UBXN8: variants seen among roughly 807,000 people sequenced by gnomAD.
UBXN8 encodes the protein UBX domain-containing protein 8.
A neutral mutation model predicts 32.1 loss-of-function variants in UBXN8; 27 were observed. The ratio of observed to expected loss-of-function variants is 0.84; its 90% confidence interval spans 0.62 to 1.16. The LOEUF is 1.16. Among genes scored for constraint, UBXN8 ranks in the 50% most tolerant of loss-of-function variants. UBXN8 has a pLI of 0.00. For synonymous variants in UBXN8, 109 were observed against 111.8 expected (o/e 0.98, Z 0.16); for missense variants, 306 against 311.4 (o/e 0.98, Z 0.13).
chr8:30,734,775 C>A (rs1453155717), intron 1 of UBXN8, among the ~76,000 whole-genome samples: 1 of 151,970 alleles, frequency 6.6e-6, no homozygotes, highest in Non-Finnish European at 1.5e-5. Flanking sequence ...AAGACCTGGT[C>A]TCTACAAAAA....
At chr8:30,742,561 C>T (rs566479145), upstream of UBXN8, among the ~76,000 whole-genome samples, 9 of 152,016 alleles carry the variant, frequency 5.9e-5, no homozygotes, top group African/African-American at 1.7e-4. Context: ...AGAGGGGTCT[C>T]GAACTCCTGA....
intron 6 of UBXN8, among the ~76,000 whole-genome samples, chr8:30,762,116 T>A (rs1586106616): frequency 6.8e-6 from 1 of 147,840 alleles, no homozygotes; most frequent in African/African-American, 2.5e-5. Flanking sequence ...TAGGCTGGAG[T>A]GTCTTGGCAC....
In UBXN8 at chr8:30,755,780, AAG is replaced by A. The variant is rs1491016926; in HGVS notation, c.406-983_406-982del. Among the ~76,000 whole-genome samples the A allele has an allele frequency of 2.1e-4, 31 of 150,136 alleles. No individual in the cohort carries two copies. The East Asian group carries it at 2.5e-3, about 12-fold the overall frequency. Reference sequence around the variant, plus strand: ...CTCCAGAAAAAAAAAAAAAAAAAAAAAGAAGACTGACTGTGACATAAGATAGT... The same window carrying A: ...CTCCAGAAAAAAAAAAAAAAAAAAAAAAGACTGACTGTGACATAAGATAGT... On this transcript the variant is annotated intron_variant, in intron 4 of 7. Coordinates refer to ENST00000265616, the MANE Select transcript of UBXN8 (RefSeq NM_005671.4).
At chr8:30,756,706 G>A in intron 4 of UBXN8, 59 bp from the exon 5 acceptor site, 1 of 1,599,558 alleles carries the variant, frequency 6.3e-7, no homozygotes, top group Non-Finnish European at 8.5e-7. Context: ...AAACAATTGT[G>A]AATAGAATAA....
chr8:30,760,445 T>TATATA (rs59139295), intron 5 of UBXN8, among the ~76,000 whole-genome samples: 445 of 31,106 alleles, frequency 0.014, no homozygotes, highest in East Asian at 0.052. Flanking sequence ...ATATATATAT[T>TATATA]TTTTTTTTTT....
chr8:30,760,135 C>T (rs1376968868), intron 5 of UBXN8, among the ~76,000 whole-genome samples: 20 of 146,900 alleles, frequency 1.4e-4, no homozygotes, highest in Non-Finnish European at 2.2e-4. Context: ...AACCTCAGCT[C>T]ACTGCAACCT....
upstream of UBXN8, among the ~76,000 whole-genome samples, chr8:30,730,254 G>C (rs374141868): frequency 6.6e-6 from 1 of 152,232 alleles, no homozygotes; most frequent in African/African-American, 2.4e-5. Context: ...AATAGATGAG[G>C]ATGGGCACAT....
At chr8:30,733,598 C>A (rs1805015706) in intron 1 of UBXN8, among the ~76,000 whole-genome samples, 1 of 152,156 alleles carries the variant, frequency 6.6e-6, no homozygotes, top group Non-Finnish European at 1.5e-5. Context: ...TGACAGCCCC[C>A]CTGCTCCCTC....
intron 1 of UBXN8, among the ~76,000 whole-genome samples, chr8:30,735,698 G>A (rs1307980322): frequency 6.6e-6 from 1 of 152,172 alleles, no homozygotes; most frequent in African/African-American, 2.4e-5. Context: ...AATTAGCCAG[G>A]CATGGTGGCA....
intron 5 of UBXN8, among the ~76,000 whole-genome samples, chr8:30,758,430 A>G (rs1159926460): frequency 6.6e-6 from 1 of 152,176 alleles, no homozygotes; most frequent in Non-Finnish European, 1.5e-5. Context: ...TGTTCATTCA[A>G]ATCTTCAATC....
At chr8:30,740,742 A>G (rs1805181487), upstream of UBXN8, among the ~76,000 whole-genome samples, 1 of 151,744 alleles carries the variant, frequency 6.6e-6, no homozygotes, top group South Asian at 2.1e-4. Context: ...TGGAGACACC[A>G]GTAACTTACA....
chr8:30,758,890 T>G (rs71521391), intron 5 of UBXN8, among the ~76,000 whole-genome samples: 104 of 131,110 alleles, frequency 7.9e-4, no homozygotes, highest in Non-Finnish European at 1.1e-3. Context: ...TGTTTGTTTT[T>G]TTTGTTTTTT....
chr8:30,741,178 G>A (rs1200846465), upstream of UBXN8, among the ~76,000 whole-genome samples: 1 of 152,126 alleles, frequency 6.6e-6, no homozygotes, highest in African/African-American at 2.4e-5. Flanking sequence ...TCGAGCCCAG[G>A]AGTTCAAGAC....
chr8:30,746,164 G>A (rs1338367276), intron 1 of UBXN8, among the ~76,000 whole-genome samples: 1 of 152,120 alleles, frequency 6.6e-6, no homozygotes, highest in Non-Finnish European at 1.5e-5. Flanking sequence ...ATTGCACCTG[G>A]GCTCCTGGCA....
At chr8:30,763,963 C>A (rs1805930839) in intron 7 of UBXN8, among the ~76,000 whole-genome samples, 1 of 152,056 alleles carries the variant, frequency 6.6e-6, no homozygotes, top group African/African-American at 2.4e-5. Flanking sequence ...TGCACTCCAG[C>A]CTGGGTGACA....
At chr8:30,764,960 G>C (rs1213559734) in intron 7 of UBXN8, among the ~76,000 whole-genome samples, 1 of 152,214 alleles carries the variant, frequency 6.6e-6, no homozygotes, top group African/African-American at 2.4e-5. Flanking sequence ...TGAGGCAGGA[G>C]AATCGCTTGA....
intron 6 of UBXN8, among the ~76,000 whole-genome samples, chr8:30,762,962 T>C (rs1319874886): frequency 6.6e-6 from 1 of 152,112 alleles, no homozygotes; most frequent in African/African-American, 2.4e-5. Flanking sequence ...TCAGATTCCC[T>C]GGGCTCAGGC....
upstream of UBXN8, among the ~76,000 whole-genome samples, chr8:30,743,470 A>C (rs2128752695): frequency 6.6e-6 from 1 of 152,288 alleles, no homozygotes; most frequent in African/African-American, 2.4e-5. Context: ...GATAATTTCC[A>C]AGTACGAAAT....
At chr8:30,757,068 C>T (rs1161878839) in intron 5 of UBXN8, among the ~76,000 whole-genome samples, 181 bp downstream of exon 5, 1 of 151,982 alleles carries the variant, frequency 6.6e-6, no homozygotes, top group Non-Finnish European at 1.5e-5. Context: ...CATCTGTAAT[C>T]CCAACACTTT....
Sources: allele counts gnomAD v4.1 joint callset (sites outside exome capture counted in the v4.1 genomes callset), GRCh38; gene constraint gnomAD v4.1.1; transcripts MANE v1.5; gene names NCBI Gene and HGNC (gene_info 2026-07-23, HGNC 2026-07-21).